The following CEP162 variants were observed in gnomAD, a reference collection of about 807,000 sequenced individuals.
CEP162 encodes centrosomal protein 162.
A neutral mutation model predicts 169.2 loss-of-function variants in CEP162; 141 were observed. The ratio of observed to expected loss-of-function variants is 0.83; its 90% confidence interval spans 0.73 to 0.96. The LOEUF (loss-of-function observed/expected upper bound fraction) is 0.96. Among genes scored for constraint, CEP162 ranks in the 40% least tolerant of loss-of-function variants. The pLI, the probability that CEP162 is intolerant of heterozygous loss-of-function variation, is 0.00. For missense variants in CEP162, 1,600 were observed against 1,587.2 expected, an observed-to-expected ratio of 1.01 and a Z score of -0.14; for synonymous variants, 540 against 526.4, an observed-to-expected ratio of 1.03 and a Z score of -0.35.
rs142930317 is a variant in CEP162 at position 84,129,034 on chromosome 6, T to C, written c.3871-2522A>G. 3.0e-3 allele frequency among the ~76,000 whole-genome samples: 456 copies of C among 152,330 alleles called. 2 individuals are homozygous for C. The highest frequency in any genetic ancestry group is 0.01 in the African/African-American group (416 of 41,562). On this transcript the variant is annotated intron_variant, in intron 25 of 26. Transcript: ENST00000403245. The stretch of plus-strand genomic sequence containing the variant: ...AAGGACATGACCTCATTCTTTTTTA[T>C]GACTACATAGTATTCCATGGTGTAT...
intron 13 of CEP162, 68 bp downstream of exon 13, chr6:84,185,119 T>C: frequency 7.5e-7 from 1 of 1,331,572 alleles, no homozygotes; most frequent in Non-Finnish European, 1.0e-6. Flanking sequence ...TGGAATGTGG[T>C]ACCTTAATTC....
chr6:84,192,736 T>G (rs980510400), intron 11 of CEP162, among the ~76,000 whole-genome samples: 2 of 152,160 alleles, frequency 1.3e-5, no homozygotes, highest in East Asian at 1.9e-4. Context: ...GACCTGACAA[T>G]GTAAGTGGTT....
intron 25 of CEP162, among the ~76,000 whole-genome samples, chr6:84,139,283 T>G (rs1191211618): frequency 6.6e-6 from 1 of 152,212 alleles, no homozygotes; most frequent in Admixed American, 6.5e-5. Context: ...CCCACCTTTG[T>G]AGCCTAAAAA....
intron 16 of CEP162, among the ~76,000 whole-genome samples, 173 bp downstream of exon 16, chr6:84,173,875 G>T (rs964818441): frequency 1.3e-5 from 2 of 151,874 alleles, no homozygotes; most frequent in African/African-American, 4.8e-5. Context: ...AGTAGAGATG[G>T]TGTTTCACCA....
chr6:84,166,723 C>T (rs2099527981), intron 18 of CEP162, among the ~76,000 whole-genome samples: 1 of 152,126 alleles, frequency 6.6e-6, no homozygotes, highest in Non-Finnish European at 1.5e-5. Context: ...TATTACATTT[C>T]CACCCATACT....
chr6:84,172,340 TC>T (rs1277697140), intron 16 of CEP162, among the ~76,000 whole-genome samples: 1 of 152,148 alleles, frequency 6.6e-6, no homozygotes, highest in Admixed American at 6.6e-5. Context: ...CCAGTTGAGA[TC>T]AGAGGGAGAA....
chr6:84,174,220 G>A (rs1381830147), intron 15 of CEP162, 32 bp from the exon 16 acceptor site: 2 of 1,570,742 alleles, frequency 1.3e-6, no homozygotes, highest in East Asian at 4.5e-5. Flanking sequence ...GTTTTATTTG[G>A]GGAAGGAAAT....
Position 84,152,999 on chromosome 6 carries a change from A to AT in CEP162, c.3174dup (p.Leu1059IlefsTer7). The AT allele has an allele frequency of 6.2e-7, 1 of 1,613,548 alleles. No homozygotes were observed. Among genetic ancestry groups the AT allele is most frequent in the South Asian group, 1.1e-5 (1 of 91,050 alleles). On this transcript the variant is annotated frameshift_variant, in exon 23 of 27. Transcript: ENST00000403245. LOFTEE classifies it high-confidence loss of function. The stretch of plus-strand genomic sequence containing the variant: ...TCTTTATCATTTTTCTTGACGTCTA[A>AT]TTCAGCATTCTGATGTTTAAGAACG...
At chr6:84,138,679 A>G (rs1346209735) in intron 25 of CEP162, among the ~76,000 whole-genome samples, 1 of 151,680 alleles carries the variant, frequency 6.6e-6, no homozygotes, top group Admixed American at 6.6e-5. Flanking sequence ...AGATATTCTT[A>G]AAGTAAGAAC....
chr6:84,214,956 T>A (rs1387710574), intron 5 of CEP162, among the ~76,000 whole-genome samples: 1 of 152,206 alleles, frequency 6.6e-6, no homozygotes, highest in Non-Finnish European at 1.5e-5. Flanking sequence ...CCTGAGTTTA[T>A]AATGGTAACC....
intron 14 of CEP162, 86 bp from the exon 15 acceptor site, chr6:84,175,040 G>C: frequency 1.0e-6 from 1 of 993,396 alleles, no homozygotes; most frequent in Non-Finnish European, 1.5e-6. Flanking sequence ...GAATAAAAAG[G>C]ACATGGTTAA....
At chr6:84,203,680 G>A (rs534090656) in intron 7 of CEP162, among the ~76,000 whole-genome samples, 1 of 152,190 alleles carries the variant, frequency 6.6e-6, no homozygotes, top group East Asian at 1.9e-4. Flanking sequence ...TTGAGCTCGT[G>A]GGCTCGAACA....
rs771649684 is a variant in CEP162 at position 84,152,918 on chromosome 6, T to C, written c.3256A>G (p.Lys1086Glu). 7.4e-6 allele frequency: 12 copies of C among 1,613,684 alleles called. No homozygotes were observed. The highest frequency in any genetic ancestry group is 9.3e-6 in the Non-Finnish European group (11 of 1,179,808). ...FQVEQAHAKAKLVRLNEELAA... is the reference protein window; with the variant it reads ...FQVEQAHAKAELVRLNEELAA... ...AGTTCTTCATTGAGTCTTACTAATT[T>C]AGCTTTAGCATGAGCCTGTTCCACC... The change falls in exon 23 of 27, where the codon AAA becomes GAA. Residue 1086 changes from lysine to glutamate, a missense_variant. By Grantham distance (56) the Lys-to-Glu change is moderately conservative. Transcript: ENST00000403245.
At chr6:84,212,598 G>A (rs2099549937) in intron 6 of CEP162, among the ~76,000 whole-genome samples, 1 of 151,416 alleles carries the variant, frequency 6.6e-6, no homozygotes, top group African/African-American at 2.4e-5. Flanking sequence ...TACAATAGAA[G>A]GAAGGACAAA....
At chr6:84,191,131 A>G (rs972614121) in intron 11 of CEP162, among the ~76,000 whole-genome samples, 1 of 152,200 alleles carries the variant, frequency 6.6e-6, no homozygotes, top group East Asian at 1.9e-4. Flanking sequence ...GAAAGAATAT[A>G]ATGTAAAAAA....
chr6:84,201,554 A>T (rs916909738), intron 8 of CEP162, among the ~76,000 whole-genome samples, 183 bp downstream of exon 8: 3 of 152,136 alleles, frequency 2.0e-5, no homozygotes, highest in African/African-American at 7.2e-5. Flanking sequence ...ATAACAAAAA[A>T]AATCTTAAAT....
chr6:84,147,112 G>A (rs999933963), intron 24 of CEP162, among the ~76,000 whole-genome samples: 3 of 151,998 alleles, frequency 2.0e-5, no homozygotes, highest in Non-Finnish European at 4.4e-5. Flanking sequence ...ATCAACAGAC[G>A]AAAAGAAATG....
Position 84,125,059 on chromosome 6 carries a change from C to G in CEP162, c.*11G>C, listed in dbSNP as rs751346110. On this transcript the variant is annotated 3_prime_UTR_variant, in exon 27 of 27. Transcript: ENST00000403245. Reference sequence around the variant, plus strand: ...CCTTTTAATAAGGTCATTATGAAATCTGAATTTCTATTAATACTCTGGTGC... The same window carrying G: ...CCTTTTAATAAGGTCATTATGAAATGTGAATTTCTATTAATACTCTGGTGC... 1.9e-6 allele frequency: 3 copies of G among 1,602,746 alleles called. No individual in the cohort carries two copies. The highest frequency in any genetic ancestry group is 2.6e-6 in the Non-Finnish European group (3 of 1,171,256).
At chr6:84,196,095 G>C (rs562358305) in intron 9 of CEP162, among the ~76,000 whole-genome samples, 4 of 152,208 alleles carry the variant, frequency 2.6e-5, no homozygotes, top group Non-Finnish European at 4.4e-5. Flanking sequence ...GATATGGTTT[G>C]GCTGTGTCCC....
Sources: allele counts gnomAD v4.1 joint callset (sites outside exome capture counted in the v4.1 genomes callset), GRCh38; gene constraint gnomAD v4.1.1; transcripts MANE v1.5; gene names NCBI Gene and HGNC (gene_info 2026-07-23, HGNC 2026-07-21).